The following PKIB variants were observed in gnomAD, a reference collection of about 807,000 sequenced individuals.
The protein encoded by PKIB is PKI-beta.
In PKIB, 2 loss-of-function variants were observed where a neutral mutation model predicts 4.5. The observed-to-expected ratio is 0.44, with a 90% confidence interval of 0.18 to 1.39. The LOEUF is 1.39. Ranked by LOEUF, PKIB falls within the 40% of genes most tolerant of loss-of-function variation. The pLI, the probability that PKIB is intolerant of heterozygous loss-of-function variation, is 0.27. For synonymous variants in PKIB, 38 were observed against 36.0 expected, an observed-to-expected ratio of 1.06 and a Z score of -0.20; for missense variants, 94 against 92.6, an observed-to-expected ratio of 1.02 and a Z score of -0.06.
intron 3 of PKIB, among the ~76,000 whole-genome samples, chr6:122,602,652 C>T (rs949102704): frequency 7.9e-5 from 12 of 152,138 alleles, no homozygotes; most frequent in South Asian, 2.1e-4. Context: ...TGGTGGCACA[C>T]GCTTGTAATC....
intron 2 of PKIB, among the ~76,000 whole-genome samples, chr6:122,543,042 G>T (rs1238725219): frequency 1.3e-5 from 2 of 152,106 alleles, no homozygotes; most frequent in Non-Finnish European, 2.9e-5. Flanking sequence ...ATCTCCTGGT[G>T]TGCCATTTTT....
chr6:122,647,573 A>G (rs1776376227), intron 2 of PKIB, among the ~76,000 whole-genome samples: 1 of 152,222 alleles, frequency 6.6e-6, no homozygotes, highest in African/African-American at 2.4e-5. Context: ...CCCTTTCCCT[A>G]GAAGAGGATG....
chr6:122,707,672 CTG>C (rs1311388603), intron 3 of PKIB, among the ~76,000 whole-genome samples: 1 of 152,008 alleles, frequency 6.6e-6, no homozygotes, highest in East Asian at 1.9e-4. Flanking sequence ...TTTTTCAAAA[CTG>C]TCATTAGAAA....
chr6:122,554,899 A>T (rs192873439), intron 2 of PKIB, among the ~76,000 whole-genome samples: 95 of 152,298 alleles, frequency 6.2e-4, no homozygotes, highest in East Asian at 4.6e-3. Context: ...TTTGGGGAAA[A>T]ATAAGTTTCC....
At chr6:122,615,218 G>A (rs796300760) in intron 1 of PKIB, among the ~76,000 whole-genome samples, 1 of 152,066 alleles carries the variant, frequency 6.6e-6, no homozygotes, top group Non-Finnish European at 1.5e-5. Flanking sequence ...TTTTAAATAT[G>A]TCTTTCTAAC....
chr6:122,678,915 T>C (rs1045373749), intron 3 of PKIB, among the ~76,000 whole-genome samples: 1 of 152,156 alleles, frequency 6.6e-6, no homozygotes, highest in Non-Finnish European at 1.5e-5. Flanking sequence ...GCAAATGCAA[T>C]GCAGATAAAT....
chr6:122,709,924 C>A (rs1469856105), intron 3 of PKIB, among the ~76,000 whole-genome samples: 1 of 152,090 alleles, frequency 6.6e-6, no homozygotes, highest in African/African-American at 2.4e-5. Flanking sequence ...ATTGTATTTG[C>A]CATTAGTCTA....
chr6:122,716,061 G>A (rs1005070017), intron 3 of PKIB, among the ~76,000 whole-genome samples: 15 of 152,044 alleles, frequency 9.9e-5, no homozygotes, highest in Non-Finnish European at 2.1e-4. Flanking sequence ...TTTTCCTCTT[G>A]GAAAATGCAA....
chr6:122,560,916 T>C (rs1772991963), intron 2 of PKIB, among the ~76,000 whole-genome samples: 1 of 152,236 alleles, frequency 6.6e-6, no homozygotes, highest in East Asian at 1.9e-4. Context: ...AGTGAGGTTA[T>C]TTGGATTTTC....
intron 2 of PKIB, among the ~76,000 whole-genome samples, chr6:122,503,931 T>C (rs1192501191): frequency 1.3e-5 from 2 of 152,232 alleles, no homozygotes; most frequent in African/African-American, 2.4e-5. Flanking sequence ...CATGTTCAAC[T>C]ACATTCTAGT....
At chr6:122,513,493 G>A (rs75484664) in intron 2 of PKIB, among the ~76,000 whole-genome samples, 14,233 of 152,110 alleles carry the variant, frequency 0.094, 817 homozygotes, top group South Asian at 0.15. Context: ...TAAATACAGG[G>A]GGTATATGTG....
intron 2 of PKIB, among the ~76,000 whole-genome samples, chr6:122,651,824 C>T (rs1776567204): frequency 6.6e-6 from 1 of 152,122 alleles, no homozygotes; most frequent in Non-Finnish European, 1.5e-5. Flanking sequence ...TTATCTTTTT[C>T]TTTCCATTTT....
At chr6:122,481,974 T>TC (rs1775628235) in intron 2 of PKIB, 1 of 151,558 alleles carries the variant, frequency 6.6e-6, no homozygotes. Flanking sequence ...TTGTTTTTTT[T>TC]TTTTGAGGCG....
rs763892956 is a variant in PKIB at position 122,725,159 on chromosome 6, A to G, written c.201A>G (p.Gln67=). ...DAKEKDEKTT[Q]DQLEKPQNEE... ...AAGAGAAAGATGAAAAAACAACACAAGACCAATTGGAAAAGCCTCAAAATG... is the reference window on the plus strand; with the variant it reads ...AAGAGAAAGATGAAAAAACAACACAGGACCAATTGGAAAAGCCTCAAAATG... The change falls in exon 5 of 5, where the codon CAA becomes CAG. Residue 67 remains glutamine (Q), a synonymous_variant. Coordinates refer to ENST00000368452, the MANE Select transcript of PKIB (RefSeq NM_181795.3). 6.2e-7 allele frequency: 1 copy of G among 1,612,086 alleles called. No individual in the cohort carries two copies. Among genetic ancestry groups the G allele is most frequent in the Non-Finnish European group, 8.5e-7 (1 of 1,179,222 alleles).
intron 3 of PKIB, among the ~76,000 whole-genome samples, chr6:122,600,687 A>G (rs1483707160): frequency 6.6e-6 from 1 of 152,232 alleles, no homozygotes; most frequent in African/African-American, 2.4e-5. Flanking sequence ...TAACATAACT[A>G]TGACCAAGAC....
At chr6:122,516,626 A>G (rs538538022) in intron 2 of PKIB, among the ~76,000 whole-genome samples, 1 of 152,260 alleles carries the variant, frequency 6.6e-6, no homozygotes, top group East Asian at 1.9e-4. Context: ...GCTTAGCTGT[A>G]TCATCTCTCA....
chr6:122,501,326 G>C (rs914724770), intron 2 of PKIB, among the ~76,000 whole-genome samples: 5 of 152,150 alleles, frequency 3.3e-5, no homozygotes, highest in African/African-American at 1.2e-4. Flanking sequence ...ATTCCAAAAG[G>C]GATAAATTGG....
chr6:122,573,818 C>A (rs571323980), intron 2 of PKIB, among the ~76,000 whole-genome samples: 64 of 152,254 alleles, frequency 4.2e-4, no homozygotes, highest in African/African-American at 1.5e-3. Context: ...CAACATCATA[C>A]TGAATGGGAA....
At chr6:122,707,351 A>T (rs1367437836) in intron 3 of PKIB, among the ~76,000 whole-genome samples, 1 of 152,122 alleles carries the variant, frequency 6.6e-6, no homozygotes, top group Non-Finnish European at 1.5e-5. Flanking sequence ...GAGCTCAAAA[A>T]GGCTTAATCA....
Sources: gnomAD v4.1 joint callset for allele counts (sites outside exome capture counted in the v4.1 genomes callset) on GRCh38, gnomAD v4.1.1 for gene constraint, MANE v1.5 for transcripts, NCBI Gene and HGNC (gene_info 2026-07-23, HGNC 2026-07-21) for gene names.